Variants in ADGRG7 observed in about 807,000 individuals in gnomAD.
ADGRG7 encodes adhesion G protein-coupled receptor G7.
A neutral mutation model predicts 88.6 loss-of-function variants in ADGRG7; 82 were observed. The ratio of observed to expected loss-of-function variants is 0.93; its 90% confidence interval spans 0.77 to 1.11. The LOEUF (loss-of-function observed/expected upper bound fraction) is 1.11. Among genes scored for constraint, ADGRG7 ranks in the 50% most tolerant of loss-of-function variants. ADGRG7 has a pLI of 0.00. For synonymous variants in ADGRG7, 381 were observed against 345.2 expected (o/e 1.10, Z -1.15); for missense variants, 945 against 953.4 (o/e 0.99, Z 0.12).
intron 1 of ADGRG7, among the ~76,000 whole-genome samples, chr3:100,611,318 TCCTTCCTTCCTC>T (rs1282994437): frequency 6.6e-6 from 1 of 151,618 alleles, no homozygotes; most frequent in African/African-American, 2.4e-5. Context: ...TTTCCTTCCT[TCCTTCCTTCCTC>T]CCTTCCTTCC....
chr3:100,667,609 C>A (rs2094953532), intron 14 of ADGRG7, among the ~76,000 whole-genome samples: 1 of 152,178 alleles, frequency 6.6e-6, no homozygotes, highest in Non-Finnish European at 1.5e-5. Flanking sequence ...CAAGTGTTTG[C>A]TATTGTGAAT....
chr3:100,676,648 T>C (rs2094965678), intron 15 of ADGRG7, among the ~76,000 whole-genome samples: 1 of 152,080 alleles, frequency 6.6e-6, no homozygotes, highest in South Asian at 2.1e-4. Context: ...TTCTGATATT[T>C]CTTTGTTGAT....
intron 10 of ADGRG7, among the ~76,000 whole-genome samples, chr3:100,647,500 C>A (rs1257581385): frequency 6.6e-6 from 1 of 152,150 alleles, no homozygotes; most frequent in African/African-American, 2.4e-5. Flanking sequence ...AAAAGAAAAA[C>A]TCTGTAATCC....
At chr3:100,615,378 G>C (rs1048000316) in intron 1 of ADGRG7, among the ~76,000 whole-genome samples, 33 of 152,158 alleles carry the variant, frequency 2.2e-4, no homozygotes, top group Non-Finnish European at 8.8e-5. Context: ...GGGTAATTTA[G>C]GTATTTCAGA....
intron 14 of ADGRG7, chr3:100,665,280 C>T (rs1253224634): frequency 2.4e-5 from 13 of 540,492 alleles, no homozygotes; most frequent in Admixed American, 7.7e-5. Context: ...CACAATGAAA[C>T]GAGGTTGTCG....
chr3:100,665,030 T>C lies in ADGRG7; in HGVS notation c.1980-3919T>C, dbSNP rs1201869740. 2.4e-5 allele frequency: 11 copies of C among 466,100 alleles called. No individual in the cohort carries two copies. In the East Asian group the frequency reaches 6.3e-4, roughly 27 times the overall value. 28.9% of individuals were successfully genotyped at this position (466,100 alleles called of 1,614,324 possible). On this transcript the variant is annotated intron_variant, in intron 14 of 15. Transcript: ENST00000273352. ...ATGGTAGGGCAATACATAAATACTTTAGAAACACAGAAGTTCACATTAGTG... is the reference window on the plus strand; with the variant it reads ...ATGGTAGGGCAATACATAAATACTTCAGAAACACAGAAGTTCACATTAGTG...
Position 100,654,841 on chromosome 3 carries a change from C to T in ADGRG7, c.1386C>T (p.Val462=). The change falls in exon 12 of 16, where the codon GTC becomes GTT. Residue 462 remains valine (V), a synonymous_variant. Transcript: ENST00000273352. ...TTAATTTACTTATTTTCAGGAAAGT[C>T]AGAAAAACCTCAGTAACCTGGGTTT... ...TVIFQIVTRK[V]RKTSVTWVLV... 2 of 1,545,158 alleles carry T rather than the reference C, an allele frequency of 1.3e-6. No homozygotes were observed. The highest frequency in any genetic ancestry group is 1.7e-6 in the Non-Finnish European group (2 of 1,144,884).
chr3:100,688,313 T>C lies in ADGRG7; in HGVS notation c.2137-6431T>C, dbSNP rs1334632659. Among the ~76,000 whole-genome samples, 9 of 152,306 alleles carry C rather than the reference T, an allele frequency of 5.9e-5. No homozygotes were observed. In the East Asian group the frequency reaches 1.2e-3, roughly 20 times the overall value. On this transcript the variant is annotated intron_variant, in intron 15 of 15. Transcript: ENST00000273352. ...TAGTGGTCTATCAATTTTGTTGATC[T>C]TTTCAAAAAACCAGCTCCTGGATTC...
chr3:100,644,109 A>T (rs16842472), intron 8 of ADGRG7, among the ~76,000 whole-genome samples: 1 of 152,092 alleles, frequency 6.6e-6, no homozygotes, highest in African/African-American at 2.4e-5. Context: ...GGTGCCCACC[A>T]TGTGCTCACT....
intron 4 of ADGRG7, among the ~76,000 whole-genome samples, chr3:100,634,259 C>T (rs1707499817): frequency 6.6e-6 from 1 of 152,160 alleles, no homozygotes; most frequent in African/African-American, 2.4e-5. Flanking sequence ...TTTCATGTGC[C>T]TGGCATGTTG....
Position 100,655,243 on chromosome 3 carries a change from C to G in ADGRG7, c.1726+62C>G, listed in dbSNP as rs529473481. The G allele has an allele frequency of 1.6e-5, 20 of 1,257,724 alleles. No individual in the cohort carries two copies. In the African/African-American group the frequency reaches 2.5e-4, roughly 16 times the overall value. The allele number at this position is 1,257,724 out of a possible 1,614,324, so 77.9% of individuals were successfully genotyped here. On this transcript the variant is annotated intron_variant, in intron 12 of 15. Transcript: ENST00000273352. ...TTTTGTGGAAATCATTTAATTTAAA[C>G]ACTTATTGAAGGCCTAATAGTCCAA...
intron 1 of ADGRG7, among the ~76,000 whole-genome samples, chr3:100,625,388 A>G (rs1707367540): frequency 6.6e-6 from 1 of 152,126 alleles, no homozygotes. Flanking sequence ...CTGATTTTGT[A>G]TCCTGAGACT....
chr3:100,686,543 A>G (rs1417788047), intron 15 of ADGRG7, among the ~76,000 whole-genome samples: 2 of 152,164 alleles, frequency 1.3e-5, no homozygotes, highest in Admixed American at 1.3e-4. Context: ...ATCTTGAATT[A>G]ATTTTTGTAT....
chr3:100,661,138 A>G (rs1295704007), intron 14 of ADGRG7, among the ~76,000 whole-genome samples: 1 of 152,174 alleles, frequency 6.6e-6, no homozygotes, highest in Non-Finnish European at 1.5e-5. Context: ...GATATACAAC[A>G]AGAGCATTCA....
intron 1 of ADGRG7, among the ~76,000 whole-genome samples, chr3:100,618,502 G>T (rs1250239280): frequency 3.3e-5 from 5 of 152,154 alleles, no homozygotes; most frequent in African/African-American, 1.2e-4. Flanking sequence ...GTTTTTGTCA[G>T]ATTTGTCAAA....
intron 14 of ADGRG7, among the ~76,000 whole-genome samples, chr3:100,667,348 C>A (rs553387371): frequency 2.0e-5 from 3 of 152,230 alleles, no homozygotes; most frequent in East Asian, 3.9e-4. Flanking sequence ...CACTGACAGG[C>A]CCCAGTGTGT....
At chr3:100,632,373 T>C (rs567471675) in intron 3 of ADGRG7, among the ~76,000 whole-genome samples, 1 of 152,308 alleles carries the variant, frequency 6.6e-6, no homozygotes, top group East Asian at 1.9e-4. Flanking sequence ...ATTTTCCTTT[T>C]AGTCTTATAT....
chr3:100,672,757 T>C (rs534968580), intron 15 of ADGRG7, among the ~76,000 whole-genome samples: 1 of 152,328 alleles, frequency 6.6e-6, no homozygotes, highest in South Asian at 2.1e-4. Flanking sequence ...TTGAGAAGTT[T>C]TAGCATGATG....
intron 15 of ADGRG7, among the ~76,000 whole-genome samples, chr3:100,670,749 C>T (rs1191671991): frequency 2.6e-5 from 4 of 152,094 alleles, no homozygotes; most frequent in Non-Finnish European, 5.9e-5. Context: ...GTGTGATGTT[C>T]CCCTCCCTGT....
Sources: allele counts gnomAD v4.1 joint callset (sites outside exome capture counted in the v4.1 genomes callset), GRCh38; gene constraint gnomAD v4.1.1; transcripts MANE v1.5; gene names NCBI Gene and HGNC (gene_info 2026-07-23, HGNC 2026-07-21).